The following GPC1 variants were observed in gnomAD, a reference collection of about 807,000 sequenced individuals.
The protein encoded by GPC1 is glypican 1, also known as glypican-1.
A neutral mutation model predicts 51.5 loss-of-function variants in GPC1; 26 were observed. The observed-to-expected ratio is 0.50, with a 90% CI of 0.37 to 0.70. The LOEUF (loss-of-function observed/expected upper bound fraction) is 0.70, where lower values mean the gene tolerates loss of function less well. Ranked by LOEUF, GPC1 falls within the 30% of genes least tolerant of loss-of-function variation. GPC1 has a pLI of 0.00. For synonymous variants in GPC1, 380 were observed against 348.3 expected (o/e 1.09, Z -1.01); for missense variants, 775 against 800.5 (o/e 0.97, Z 0.38).
chr2:240,450,262 C>T (rs745803898), intron 1 of GPC1: 17 of 320,736 alleles, frequency 5.3e-5, no homozygotes, highest in African/African-American at 2.0e-4. Context: ...CCTAGGGAGA[C>T]GCCCTCCTGG....
At chr2:240,457,935 C>T (rs1456484707) in intron 1 of GPC1, 9 of 419,572 alleles carry the variant, frequency 2.1e-5, no homozygotes, top group South Asian at 1.5e-4. Flanking sequence ...ACCCCTCTGA[C>T]CAAGCCAGGC....
In GPC1 at chr2:240,440,015, C is replaced by T. The variant is rs578009124; in HGVS notation, c.166+3931C>T. Among the ~76,000 whole-genome samples the T allele has an allele frequency of 4.7e-4, 71 of 152,350 alleles. 1 individual carries two copies. The South Asian group carries it at 0.014, about 31-fold the overall frequency. The stretch of plus-strand genomic sequence containing the variant: ...CTCCTCAGGCACAGATGCCCCCACC[C>T]CCATCCCATCCCCGGTGTCCCCGGG... On this transcript the variant is annotated intron_variant, in intron 1 of 8. Coordinates refer to ENST00000264039, the MANE Select transcript of GPC1 (RefSeq NM_002081.3).
chr2:240,440,028 C>T (rs181883322), intron 1 of GPC1, among the ~76,000 whole-genome samples: 2 of 152,364 alleles, frequency 1.3e-5, no homozygotes, highest in East Asian at 3.9e-4. Flanking sequence ...ATCCCATCCC[C>T]GGTGTCCCCG....
intron 1 of GPC1, among the ~76,000 whole-genome samples, chr2:240,445,382 G>A (rs944235064): frequency 6.6e-6 from 1 of 152,188 alleles, no homozygotes; most frequent in South Asian, 2.1e-4. Context: ...CTGGTGTTTA[G>A]TGGGTGGGGC....
intron 1 of GPC1, chr2:240,450,811 T>G: frequency 2.1e-6 from 1 of 469,016 alleles, no homozygotes; most frequent in Non-Finnish European, 4.4e-6. Context: ...AGGGCCGGCC[T>G]GGGTGCCAGG....
intron 1 of GPC1, among the ~76,000 whole-genome samples, chr2:240,446,298 G>A (rs2074050255): frequency 6.6e-6 from 1 of 152,256 alleles, no homozygotes; most frequent in African/African-American, 2.4e-5. Flanking sequence ...ATCATTGGAG[G>A]CTCCGTGAGC....
chr2:240,466,311 C>G lies in GPC1; in HGVS notation c.*21C>G. 2 of 1,350,670 alleles carry G rather than the reference C, an allele frequency of 1.5e-6. No individual in the cohort carries two copies. The highest frequency in any genetic ancestry group is 2.3e-5 in the South Asian group (2 of 85,594). 83.7% of individuals were successfully genotyped at this position (1,350,670 alleles called of 1,614,324 possible). A position where few individuals can be genotyped will look rare whatever the true frequency, so the allele number is the denominator to read the frequency against. Reference sequence around the variant, plus strand: ...GGTAACTGCCCCAAGGCCCCAGGGACAGAGGCCAAGGACTGACTTTGCCAA... The same window carrying G: ...GGTAACTGCCCCAAGGCCCCAGGGAGAGAGGCCAAGGACTGACTTTGCCAA... On this transcript the variant is annotated 3_prime_UTR_variant, in exon 9 of 9. Transcript: ENST00000264039.
intron 3 of GPC1, 69 bp from the exon 4 acceptor site, chr2:240,463,278 G>C: frequency 7.0e-7 from 1 of 1,436,644 alleles, no homozygotes; most frequent in Non-Finnish European, 9.7e-7. Context: ...CTGGGGCTTC[G>C]TTAGGGGCTG....
chr2:240,438,754 T>C (rs2073999930), intron 1 of GPC1, among the ~76,000 whole-genome samples: 1 of 152,174 alleles, frequency 6.6e-6, no homozygotes, highest in Admixed American at 6.5e-5. Flanking sequence ...TGTCGGGACA[T>C]ATTGGGCTCC....
At chr2:240,461,418 C>T (rs1461001296) in intron 2 of GPC1, among the ~76,000 whole-genome samples, 1 of 152,218 alleles carries the variant, frequency 6.6e-6, no homozygotes, top group East Asian at 1.9e-4. Context: ...TGAGCAGTTA[C>T]AGACCTGGAA....
At chr2:240,464,032 A>G (rs2074239015) in intron 4 of GPC1, 2 of 205,242 alleles carry the variant, frequency 9.7e-6, no homozygotes, top group South Asian at 2.0e-4. Flanking sequence ...ATCCACTAAC[A>G]TGTACACATG....
chr2:240,461,729 G>C (rs574719023), intron 2 of GPC1, among the ~76,000 whole-genome samples: 1 of 152,128 alleles, frequency 6.6e-6, no homozygotes, highest in Admixed American at 6.5e-5. Flanking sequence ...CTGGAGACTC[G>C]CAGGGCAGGC....
At chr2:240,456,202 GGCTGACGGC>G (rs2074161077) in intron 1 of GPC1, 1 of 254,066 alleles carries the variant, frequency 3.9e-6, no homozygotes, top group Admixed American at 6.1e-5. Context: ...TGTGAGAGGT[GGCTGACGGC>G]GCCGAGGAGC....
intron 1 of GPC1, chr2:240,458,093 A>G (rs2074184957): frequency 4.3e-6 from 2 of 470,414 alleles, no homozygotes; most frequent in Non-Finnish European, 8.8e-6. Flanking sequence ...CCCTCACTGT[A>G]TAGCTGGGAC....
chr2:240,459,113 G>A lies in GPC1; in HGVS notation c.250G>A (p.Glu84Lys), dbSNP rs766978414. 1.2e-5 allele frequency: 19 copies of A among 1,612,794 alleles called. No individual in the cohort carries two copies. Among genetic ancestry groups the A allele is most frequent in the East Asian group, 2.2e-5 (1 of 44,876 alleles). The change falls in exon 2 of 9, where the codon GAG (glutamate) becomes AAG (lysine). Residue 84 changes from glutamate (E) to lysine (K), a missense_variant. Physicochemically the swap from Glu to Lys is moderately conservative, Grantham distance 56 (BLOSUM62 1). Coordinates refer to ENST00000264039, the MANE Select transcript of GPC1 (RefSeq NM_002081.3). ...EENLANRSHA[E>K]LETALRDSSR... ...GAACCTGGCCAACCGCAGCCATGCC[G>A]AGCTGGAGACCGCGCTCCGGGACAG... is the stretch of plus-strand genomic sequence containing the variant.
chr2:240,436,616 C>G (rs543569497), intron 1 of GPC1, among the ~76,000 whole-genome samples: 1 of 152,270 alleles, frequency 6.6e-6, no homozygotes, highest in Non-Finnish European at 1.5e-5. Context: ...CTCGTAGGGT[C>G]TCCAGCAAAG....
At chr2:240,439,289 T>A (rs1441790949) in intron 1 of GPC1, among the ~76,000 whole-genome samples, 1 of 151,954 alleles carries the variant, frequency 6.6e-6, no homozygotes, top group East Asian at 1.9e-4. Context: ...CTGTGCTGGG[T>A]GGGGAGCGGG....
At chr2:240,450,070 C>G in intron 1 of GPC1, 1 of 365,282 alleles carries the variant, frequency 2.7e-6, no homozygotes, top group Non-Finnish European at 5.5e-6. Context: ...TACTTTCATA[C>G]TGTACTAAAA....
intron 2 of GPC1, 152 bp from the exon 3 acceptor site, chr2:240,462,039 C>A: frequency 1.3e-6 from 1 of 756,302 alleles, no homozygotes; most frequent in Non-Finnish European, 2.0e-6. Flanking sequence ...TGGATGCCCA[C>A]AGGGCCCACA....
Sources: allele counts gnomAD v4.1 joint callset (sites outside exome capture counted in the v4.1 genomes callset), GRCh38; gene constraint gnomAD v4.1.1; transcripts MANE v1.5; gene names NCBI Gene and HGNC (gene_info 2026-07-23, HGNC 2026-07-21).